MEIS2: variants seen among roughly 807,000 people sequenced by gnomAD.
MEIS2 encodes the protein homeobox protein Meis2.
MEIS2 carries 9 observed loss-of-function variants against 58.6 expected under a neutral mutation model. The observed-to-expected ratio is 0.15, with a 90% CI of 0.09 to 0.27. The LOEUF is 0.27. Among genes scored for constraint, MEIS2 ranks in the 10% least tolerant of loss-of-function variants. MEIS2 has a pLI of 1.00. For missense variants in MEIS2, 427 were observed against 635.0 expected (o/e 0.67, Z 3.52); for synonymous variants, 221 against 228.4 (o/e 0.97, Z 0.29).
intron 8 of MEIS2, among the ~76,000 whole-genome samples, chr15:37,026,198 A>C (rs1014592515): frequency 2.0e-5 from 3 of 152,184 alleles, no homozygotes; most frequent in African/African-American, 7.2e-5. Context: ...CCAATGTGTC[A>C]CCAAATCTAC....
Position 36,970,072 on chromosome 15 carries a change from GGT to G in MEIS2, c.901-19674_901-19673del, listed in dbSNP as rs374577640. 3.5e-3 allele frequency among the ~76,000 whole-genome samples: 537 copies of G among 152,238 alleles called. 1 individual carries two copies. The highest frequency in any genetic ancestry group is 0.012 in the African/African-American group (511 of 41,544). On this transcript the variant is annotated intron_variant, in intron 8 of 11. Transcript: ENST00000561208. Reference sequence around the variant, plus strand: ...TCACGTTTACAAAGATTGAATGCCTGGTTAAAATGCTCAAATATAATATAGTT... The same window carrying G: ...TCACGTTTACAAAGATTGAATGCCTGTAAAATGCTCAAATATAATATAGTT...
intron 8 of MEIS2, among the ~76,000 whole-genome samples, chr15:36,985,754 G>A (rs954031601): frequency 2.6e-5 from 4 of 152,086 alleles, no homozygotes; most frequent in South Asian, 2.1e-4. Flanking sequence ...TTGAAGTGTC[G>A]GGAAAATGAT....
chr15:36,995,975 A>G (rs1209541850), intron 8 of MEIS2, among the ~76,000 whole-genome samples: 18 of 10,526 alleles, frequency 1.7e-3, no homozygotes, highest in Middle Eastern at 0.1. Flanking sequence ...ATATATATAT[A>G]TATATATATA....
chr15:36,924,306 A>G (rs961930257), intron 9 of MEIS2, among the ~76,000 whole-genome samples: 1 of 152,236 alleles, frequency 6.6e-6, no homozygotes, highest in Non-Finnish European at 1.5e-5. Flanking sequence ...CCTGTCAGGC[A>G]GAAAACAGTC....
intron 9 of MEIS2, among the ~76,000 whole-genome samples, chr15:36,920,070 T>C (rs1276780380): frequency 6.6e-6 from 1 of 152,114 alleles, no homozygotes; most frequent in African/African-American, 2.4e-5. Flanking sequence ...CAAGAAGAAA[T>C]GGAGGCTGGA....
Position 36,896,647 on chromosome 15 carries a change from A to G in MEIS2, c.1017T>C (p.Ile339=). 6.2e-7 allele frequency: 1 copy of G among 1,612,500 alleles called. No individual in the cohort carries two copies. The change falls in exon 10 of 12, where the codon ATT becomes ATC. Residue 339 remains isoleucine (I), a synonymous_variant. Transcript: ENST00000561208. ...ACTTGCCTGCTCGATTTGACTGGTC[A>G]ATCATGGGCTGTACTATTCTTCTTC... is the stretch of plus-strand genomic sequence containing the variant. ...NARRRIVQPM[I]DQSNRAGFLL...
upstream of MEIS2, chr15:37,100,583 G>A (rs1894986305): frequency 6.9e-6 from 1 of 145,150 alleles, no homozygotes; most frequent in Non-Finnish European, 1.5e-5. Context: ...GGTGGGGGAG[G>A]CGGGGGGGCG....
At position 36,895,181 on chromosome 15, in the gene MEIS2, C is replaced by G; in HGVS notation, c.1117G>C (p.Gly373Arg). Residue 373 changes from glycine to arginine, a missense_variant, in exon 11 of 12, where the codon GGT (glycine) becomes CGT (arginine). Physicochemically the swap from Gly to Arg is moderately radical, Grantham distance 125. Transcript: ENST00000561208. ...GGCCGGATCCCCATGTGTTGCTGAC[C>G]ATCCAACACAAAGCTCCCCATGGGC... Reference protein sequence around the residue: ...GQPMGSFVLDGQQHMGIRPAG... With the variant: ...GQPMGSFVLDRQQHMGIRPAG... 1 of 1,614,132 alleles carries G rather than the reference C, an allele frequency of 6.2e-7. No homozygotes were observed. Among genetic ancestry groups the G allele is most frequent in the Non-Finnish European group, 8.5e-7 (1 of 1,180,034 alleles).
intron 6 of MEIS2, among the ~76,000 whole-genome samples, chr15:37,092,804 A>G (rs533905074): frequency 5.1e-5 from 7 of 136,862 alleles, no homozygotes; most frequent in Non-Finnish European, 1.1e-4. Context: ...GAGAATAGAA[A>G]GAAATCTCCT....
chr15:37,052,432 A>G (rs1224663600), intron 7 of MEIS2, among the ~76,000 whole-genome samples: 2 of 152,212 alleles, frequency 1.3e-5, no homozygotes, highest in Non-Finnish European at 2.9e-5. Flanking sequence ...TTGGTAATGC[A>G]GCTGGGTCTT....
At chr15:37,038,848 C>G (rs1237384553) in intron 7 of MEIS2, among the ~76,000 whole-genome samples, 2 of 152,216 alleles carry the variant, frequency 1.3e-5, no homozygotes, top group Non-Finnish European at 2.9e-5. Context: ...CACGCACACC[C>G]AAGCTCGTGC....
At chr15:37,049,893 T>C (rs1568678) in intron 7 of MEIS2, among the ~76,000 whole-genome samples, 142,461 of 151,962 alleles carry the variant, frequency 0.94, 67,442 homozygotes, top group East Asian at 1. Flanking sequence ...TAATTTTTTC[T>C]GAATTGCTTC....
At chr15:36,921,683 A>C (rs1248563134) in intron 9 of MEIS2, among the ~76,000 whole-genome samples, 1 of 151,848 alleles carries the variant, frequency 6.6e-6, no homozygotes, top group Non-Finnish European at 1.5e-5. Flanking sequence ...CTTAAAACAC[A>C]GTGTGGAGCC....
rs893631683 is a variant in MEIS2 at position 37,094,927 on chromosome 15, T to G, written c.439-350A>C. The G allele has an allele frequency of 2.3e-5, 3 of 128,876 alleles. No individual in the cohort carries two copies. The East Asian group carries it at 6.7e-4, about 29-fold the overall frequency. The allele number at this position is 128,876 out of a possible 1,614,324, so 8.0% of individuals were successfully genotyped here. On this transcript the variant is annotated intron_variant, in intron 4 of 11. Transcript: ENST00000561208. ...TCCCCTCCCTCGACCTCAGGACAAC[T>G]TTTTTTTTTTTCCTTAAAAAAAAAA...
At chr15:37,094,698 T>C (rs1893980849) in intron 4 of MEIS2, 121 bp from the exon 5 acceptor site, 1 of 719,108 alleles carries the variant, frequency 1.4e-6, no homozygotes, top group African/African-American at 1.8e-5. Context: ...AACGGGCAGG[T>C]GGCCAGGAAA....
intron 8 of MEIS2, among the ~76,000 whole-genome samples, chr15:36,951,475 A>C (rs2058747930): frequency 6.6e-6 from 1 of 152,202 alleles, no homozygotes; most frequent in South Asian, 2.1e-4. Flanking sequence ...AGAATATTCT[A>C]ATCATTCCAG....
At chr15:36,998,623 T>C (rs2060613819) in intron 8 of MEIS2, among the ~76,000 whole-genome samples, 1 of 152,224 alleles carries the variant, frequency 6.6e-6, no homozygotes, top group Non-Finnish European at 1.5e-5. Context: ...TAAATTATGG[T>C]ACTTAAACAC....
intron 8 of MEIS2, among the ~76,000 whole-genome samples, chr15:36,986,758 C>T (rs759222392): frequency 3.9e-5 from 6 of 152,176 alleles, no homozygotes; most frequent in Non-Finnish European, 8.8e-5. Flanking sequence ...GAGAAGGTAA[C>T]GGCTTTCAAA....
intron 8 of MEIS2, among the ~76,000 whole-genome samples, chr15:37,012,415 G>A (rs892708632): frequency 5.3e-5 from 8 of 152,182 alleles, no homozygotes; most frequent in South Asian, 2.1e-4. Context: ...GCATGCTTCC[G>A]TTTTTATCAC....
Sources: allele counts gnomAD v4.1 joint callset (sites outside exome capture counted in the v4.1 genomes callset), GRCh38; gene constraint gnomAD v4.1.1; transcripts MANE v1.5; gene names NCBI Gene and HGNC (gene_info 2026-07-23, HGNC 2026-07-21).